SNX15: variants seen among roughly 807,000 people sequenced by gnomAD.
SNX15 encodes sorting nexin-15.
Under a neutral mutation model 35.2 loss-of-function variants are expected in SNX15, and 29 were observed. The observed-to-expected ratio is 0.82, with a 90% CI of 0.61 to 1.12. The LOEUF (loss-of-function observed/expected upper bound fraction) is 1.12, where lower values mean the gene tolerates loss of function less well. Ranked by LOEUF, SNX15 falls within the 50% of genes most tolerant of loss-of-function variation. SNX15 has a pLI of 0.00. For missense variants in SNX15, 400 were observed against 451.5 expected (o/e 0.89, Z 1.03); for synonymous variants, 189 against 188.2 (o/e 1.00, Z -0.03).
intron 1 of SNX15, among the ~76,000 whole-genome samples, chr11:65,030,282 G>A (rs1002922547): frequency 3.3e-5 from 5 of 150,250 alleles, no homozygotes; most frequent in Non-Finnish European, 7.4e-5. Flanking sequence ...TTGAACCCGG[G>A]AGGCAGAGGT....
chr11:65,028,723 G>A (rs1309385669), intron 1 of SNX15, among the ~76,000 whole-genome samples: 2 of 146,800 alleles, frequency 1.4e-5, no homozygotes, highest in Non-Finnish European at 3.0e-5. Context: ...TAAATAGATT[G>A]TCCCTGGGAA....
At chr11:65,033,538 C>T (rs775678201) in intron 3 of SNX15, among the ~76,000 whole-genome samples, 7 of 105,452 alleles carry the variant, frequency 6.6e-5, no homozygotes, top group Non-Finnish European at 1.0e-4. Flanking sequence ...AGTGAGACTC[C>T]GTCTCAAAAA....
intron 6 of SNX15, 101 bp downstream of exon 6, chr11:65,035,764 G>A (rs1313827775): frequency 1.6e-6 from 2 of 1,271,378 alleles, no homozygotes; most frequent in Admixed American, 2.5e-5. Flanking sequence ...GCGCAGATCA[G>A]GGAGAGACGT....
chr11:65,034,438 T>C (rs1446470372), intron 3 of SNX15, among the ~76,000 whole-genome samples: 1 of 152,126 alleles, frequency 6.6e-6, no homozygotes, highest in African/African-American at 2.4e-5. Flanking sequence ...AAACGGGGGC[T>C]CCTTGCTTTG....
At chr11:65,029,484 T>C (rs1946416592) in intron 1 of SNX15, among the ~76,000 whole-genome samples, 1 of 150,386 alleles carries the variant, frequency 6.6e-6, no homozygotes, top group Non-Finnish European at 1.5e-5. Context: ...CCAAGCAACA[T>C]GCATTACTTT....
intron 1 of SNX15, among the ~76,000 whole-genome samples, chr11:65,029,101 A>G (rs1440741371): frequency 7.2e-5 from 3 of 41,410 alleles, no homozygotes; most frequent in Non-Finnish European, 2.6e-4. Context: ...AAAAATATAA[A>G]TAAATAAATA....
chr11:65,035,013 A>G (rs754490190), intron 4 of SNX15, 46 bp from the exon 5 acceptor site: 1 of 1,613,676 alleles, frequency 6.2e-7, no homozygotes, highest in Non-Finnish European at 8.5e-7. Context: ...CCCACCCACC[A>G]GATTGCACCC....
intron 3 of SNX15, 93 bp downstream of exon 3, chr11:65,032,644 G>A: frequency 6.7e-7 from 1 of 1,495,358 alleles, no homozygotes; most frequent in East Asian, 2.3e-5. Context: ...GAGAGGGCCT[G>A]AAACCCTGGG....
At chr11:65,034,316 G>T (rs1306576844) in intron 3 of SNX15, among the ~76,000 whole-genome samples, 1 of 152,150 alleles carries the variant, frequency 6.6e-6, no homozygotes, top group African/African-American at 2.4e-5. Context: ...AGCTACTTGG[G>T]AGGCTGAGGC....
At position 65,035,280 on chromosome 11, in the gene SNX15, G is replaced by C. The variant is rs542210178; in HGVS notation, c.520+74G>C. The C allele has an allele frequency of 7.9e-6, 11 of 1,400,662 alleles. No homozygotes were observed. In the South Asian group the frequency reaches 1.6e-4, roughly 20 times the overall value. 86.8% of individuals were successfully genotyped at this position (1,400,662 alleles called of 1,614,324 possible). On this transcript the variant is annotated intron_variant, in intron 5 of 7. Coordinates refer to ENST00000377244, the MANE Select transcript of SNX15 (RefSeq NM_013306.5). ...GGAGGGCGGCCACACTCCCTCCTCA[G>C]TGATCTTACTGAGAAATGTGTGTGT...
In SNX15 at chr11:65,034,956, C is replaced by G; in HGVS notation, c.366C>G (p.Phe122Leu). The change falls in exon 4 of 8, where the codon TTC (phenylalanine) becomes TTG (leucine). Residue 122 changes from phenylalanine to leucine, a missense_variant. Transcript: ENST00000377244. The stretch of plus-strand genomic sequence containing the variant: ...ACAACAGCCCCCAGCTCAAGGAGTT[C>G]TTCCGGGTATGTGCACCTTCCACCT... ...ALNNSPQLKEFFRGGEVTRPL... is the reference protein window; with the variant it reads ...ALNNSPQLKELFRGGEVTRPL... 6.2e-7 allele frequency: 1 copy of G among 1,614,008 alleles called. No homozygotes were observed. Among genetic ancestry groups the G allele is most frequent in the Admixed American group, 1.7e-5 (1 of 60,012 alleles).
At chr11:65,029,822 C>T (rs964666958) in intron 1 of SNX15, among the ~76,000 whole-genome samples, 1 of 151,970 alleles carries the variant, frequency 6.6e-6, no homozygotes, top group African/African-American at 2.4e-5. Context: ...AGTTATCCTC[C>T]CACCTCGGCC....
chr11:65,039,063 C>G (rs1488049131), intron 7 of SNX15, among the ~76,000 whole-genome samples: 2 of 40,298 alleles, frequency 5.0e-5, no homozygotes, highest in Non-Finnish European at 1.4e-4. Context: ...CAGAGTCTTG[C>G]TCTTGTTGCA....
At chr11:65,034,008 G>A (rs540960269) in intron 3 of SNX15, among the ~76,000 whole-genome samples, 2 of 152,014 alleles carry the variant, frequency 1.3e-5, no homozygotes, top group Non-Finnish European at 2.9e-5. Context: ...GCACCTGGCC[G>A]AGATGTTCTT....
chr11:65,028,708 G>T (rs1233475317), intron 1 of SNX15, among the ~76,000 whole-genome samples: 1 of 112,998 alleles, frequency 8.8e-6, no homozygotes, highest in East Asian at 2.4e-4. Flanking sequence ...AAAAAAAAAA[G>T]CAAATAAATA....
chr11:65,035,418 C>T (rs1946490132), intron 5 of SNX15, 102 bp from the exon 6 acceptor site: 1 of 1,366,898 alleles, frequency 7.3e-7, no homozygotes, highest in Admixed American at 2.3e-5. Context: ...ACAGGCTTGT[C>T]TATGCCCATG....
intron 1 of SNX15, 78 bp downstream of exon 1, chr11:65,027,714 G>C (rs986066793): frequency 1.5e-5 from 16 of 1,055,936 alleles, no homozygotes; most frequent in Non-Finnish European, 2.3e-5. Context: ...AGGCGGTGCA[G>C]CCACTGCTCC....
chr11:65,031,274 T>C (rs141993623), intron 1 of SNX15, among the ~76,000 whole-genome samples: 1 of 152,328 alleles, frequency 6.6e-6, no homozygotes, highest in African/African-American at 2.4e-5. Flanking sequence ...TCTGCCCACC[T>C]GGGCCCCCTA....
chr11:65,027,776 A>G (rs2136922307), intron 1 of SNX15, 140 bp downstream of exon 1: 1 of 656,060 alleles, frequency 1.5e-6, no homozygotes, highest in South Asian at 1.8e-5. Context: ...TTGCAGTACG[A>G]GGCTTAGTTT....
Sources: allele counts gnomAD v4.1 joint callset (sites outside exome capture counted in the v4.1 genomes callset), GRCh38; gene constraint gnomAD v4.1.1; transcripts MANE v1.5; gene names NCBI Gene and HGNC (gene_info 2026-07-23, HGNC 2026-07-21).